AGPS: variants seen among roughly 807,000 people sequenced by gnomAD.
AGPS encodes the protein alkyldihydroxyacetonephosphate synthase, peroxisomal.
In AGPS, 26 loss-of-function variants were observed where a neutral mutation model predicts 90.7. That is an observed-to-expected ratio of 0.29 (90% CI 0.21 to 0.40). The LOEUF is 0.40. Among genes scored for constraint, AGPS ranks in the 10% least tolerant of loss-of-function variants. AGPS has a pLI of 1.00. For missense variants in AGPS, 540 were observed against 816.1 expected, an observed-to-expected ratio of 0.66 and a Z score of 4.12; for synonymous variants, 294 against 285.3, an observed-to-expected ratio of 1.03 and a Z score of -0.31.
chr2:177,468,618 C>A, intron 10 of AGPS, 94 bp downstream of exon 10: 1 of 898,700 alleles, frequency 1.1e-6, no homozygotes, highest in Non-Finnish European at 1.8e-6. Flanking sequence ...CTTTGAAAGA[C>A]ATGTTTTATA....
intron 14 of AGPS, among the ~76,000 whole-genome samples, chr2:177,500,253 A>G (rs1236099184): frequency 6.6e-6 from 1 of 152,032 alleles, no homozygotes; most frequent in Non-Finnish European, 1.5e-5. Context: ...CAACTGAATA[A>G]TGGTAGGGTG....
At chr2:177,485,902 G>A (rs1688078569) in intron 11 of AGPS, among the ~76,000 whole-genome samples, 1 of 152,130 alleles carries the variant, frequency 6.6e-6, no homozygotes, top group Non-Finnish European at 1.5e-5. Context: ...GGGCAACAGA[G>A]CAAGACCCTA....
chr2:177,506,429 G>A (rs893342178), intron 15 of AGPS, among the ~76,000 whole-genome samples: 1 of 151,602 alleles, frequency 6.6e-6, no homozygotes, highest in Non-Finnish European at 1.5e-5. Context: ...AATATGTAAA[G>A]ATCAAATCAG....
At chr2:177,466,673 G>A (rs1475194631) in intron 9 of AGPS, among the ~76,000 whole-genome samples, 2 of 152,248 alleles carry the variant, frequency 1.3e-5, no homozygotes, top group East Asian at 3.8e-4. Flanking sequence ...TGTCAGCACT[G>A]CCCTGAGCAT....
At chr2:177,475,632 C>A (rs1687759754) in intron 10 of AGPS, among the ~76,000 whole-genome samples, 1 of 152,108 alleles carries the variant, frequency 6.6e-6, no homozygotes, top group Non-Finnish European at 1.5e-5. Flanking sequence ...TGTATCAGTA[C>A]CTCATTCCTT....
In AGPS at chr2:177,542,041, A is replaced by AC. The variant is rs2079241419; in HGVS notation, c.*3846_*3847insC. ...TTAATAAAATGGACCTGGGTCTAAT[A>AC]TTTTTTTTCTTCAAAGGGAGTGTGA... On this transcript the variant is annotated 3_prime_UTR_variant, in exon 20 of 20. Transcript: ENST00000264167. 1 of 151,820 alleles carries AC rather than the reference A, an allele frequency of 6.6e-6. No individual in the cohort carries two copies. The highest frequency in any genetic ancestry group is 6.6e-5 in the Admixed American group (1 of 15,224). 9.4% of individuals were successfully genotyped at this position (151,820 alleles called of 1,614,324 possible). A position where few individuals can be genotyped will look rare whatever the true frequency, so the allele number is the denominator to read the frequency against.
In AGPS at chr2:177,538,201, T is replaced by G. The variant is rs898393786; in HGVS notation, c.*6T>G. The G allele has an allele frequency of 3.7e-6, 6 of 1,612,260 alleles. No homozygotes were observed. Among genetic ancestry groups the G allele is most frequent in the Non-Finnish European group, 4.2e-6 (5 of 1,178,742 alleles). The stretch of plus-strand genomic sequence containing the variant: ...GAAACAGAAACCTTTTATAAATCCA[T>G]TAGTACCATTACAAAAAAATGTCAA... On this transcript the variant is annotated 3_prime_UTR_variant, in exon 20 of 20. Coordinates refer to ENST00000264167, the MANE Select transcript of AGPS (RefSeq NM_003659.4).
At chr2:177,486,534 A>G (rs1428010288) in intron 11 of AGPS, among the ~76,000 whole-genome samples, 1 of 151,694 alleles carries the variant, frequency 6.6e-6, no homozygotes, top group African/African-American at 2.4e-5. Context: ...TAGATGGTAC[A>G]TGGCTTATGA....
chr2:177,512,560 G>C (rs1044670332), intron 16 of AGPS, among the ~76,000 whole-genome samples: 2 of 152,092 alleles, frequency 1.3e-5, no homozygotes, highest in Non-Finnish European at 2.9e-5. Context: ...TTATCAAAGT[G>C]GTTCTCATAC....
At chr2:177,433,864 C>A (rs1267453148) in intron 2 of AGPS, among the ~76,000 whole-genome samples, 1 of 151,914 alleles carries the variant, frequency 6.6e-6, no homozygotes, top group Non-Finnish European at 1.5e-5. Flanking sequence ...TTGGAGAGAG[C>A]TGATAGATTG....
intron 5 of AGPS, among the ~76,000 whole-genome samples, chr2:177,437,433 C>T (rs1212045917): frequency 3.3e-5 from 5 of 152,030 alleles, no homozygotes; most frequent in Non-Finnish European, 7.4e-5. Context: ...TTGTTGATAT[C>T]AGCTTGTGAG....
intron 11 of AGPS, among the ~76,000 whole-genome samples, chr2:177,489,235 C>A (rs1344292865): frequency 6.6e-6 from 1 of 152,020 alleles, no homozygotes; most frequent in Non-Finnish European, 1.5e-5. Flanking sequence ...CAGGCGCCTG[C>A]CACCACACCA....
chr2:177,451,831 G>A (rs1686961843), intron 8 of AGPS, among the ~76,000 whole-genome samples: 1 of 152,060 alleles, frequency 6.6e-6, no homozygotes, highest in Non-Finnish European at 1.5e-5. Flanking sequence ...AATCAGTGCT[G>A]ATTTTTTCCC....
intron 10 of AGPS, among the ~76,000 whole-genome samples, chr2:177,469,942 A>G (rs1687563908): frequency 6.6e-6 from 1 of 152,206 alleles, no homozygotes; most frequent in South Asian, 2.1e-4. Context: ...CAGCGTGACA[A>G]ATTACATGAT....
chr2:177,509,260 C>T (rs1209309321), intron 16 of AGPS, among the ~76,000 whole-genome samples: 1 of 152,004 alleles, frequency 6.6e-6, no homozygotes, highest in Non-Finnish European at 1.5e-5. Context: ...TTTTTTAAGT[C>T]AGATTTCTCA....
intron 1 of AGPS, among the ~76,000 whole-genome samples, chr2:177,415,383 C>G (rs1685757361): frequency 2.0e-5 from 3 of 152,304 alleles, no homozygotes; most frequent in Middle Eastern, 3.4e-3. Context: ...TGTGGAGTGG[C>G]TTACCAGTAT....
intron 10 of AGPS, among the ~76,000 whole-genome samples, chr2:177,479,189 C>T (rs1046561079): frequency 6.6e-6 from 1 of 152,140 alleles, no homozygotes; most frequent in Non-Finnish European, 1.5e-5. Context: ...AGGTTTGCTT[C>T]TCCTGGCAAG....
intron 9 of AGPS, among the ~76,000 whole-genome samples, chr2:177,465,223 G>T (rs1479746746): frequency 6.6e-6 from 1 of 152,164 alleles, no homozygotes; most frequent in Non-Finnish European, 1.5e-5. Flanking sequence ...GAGCCCAGGA[G>T]TTTGAAGTTA....
At position 177,439,587 on chromosome 2, in the gene AGPS, G is replaced by T. The variant is rs113576066; in HGVS notation, c.638-1378G>T. 6.0e-3 allele frequency among the ~76,000 whole-genome samples: 910 copies of T among 152,288 alleles called. 10 individuals carry two copies. Among genetic ancestry groups the T allele is most frequent in the African/African-American group, 0.019 (779 of 41,564 alleles). On this transcript the variant is annotated intron_variant, in intron 5 of 19. Transcript: ENST00000264167. ...ATAGATATTTATTAAAAATCGGAAT[G>T]AAACAAATGACATGTTTTCTTAGCT... is the stretch of plus-strand genomic sequence containing the variant.
Sources: allele counts gnomAD v4.1 joint callset (sites outside exome capture counted in the v4.1 genomes callset), GRCh38; gene constraint gnomAD v4.1.1; transcripts MANE v1.5; gene names NCBI Gene and HGNC (gene_info 2026-07-23, HGNC 2026-07-21).